Variants in RORA observed in about 807,000 individuals in gnomAD.
RORA encodes the protein RAR related orphan receptor A.
RORA carries 7 observed loss-of-function variants against 69.5 expected under a neutral mutation model. The ratio of observed to expected loss-of-function variants is 0.10; its 90% confidence interval spans 0.06 to 0.19. RORA has a LOEUF of 0.19. Among genes scored for constraint, RORA ranks in the 10% least tolerant of loss-of-function variants. The probability of loss-of-function intolerance (pLI) is 1.00; values close to 1 mark genes in which losing one functional copy is unlikely to be tolerated. For synonymous variants in RORA, 261 were observed against 240.8 expected (o/e 1.08, Z -0.78); for missense variants, 457 against 663.0 (o/e 0.69, Z 3.41).
intron 1 of RORA, among the ~76,000 whole-genome samples, chr15:60,685,173 G>T (rs1323826600): frequency 1.3e-5 from 2 of 152,156 alleles, no homozygotes; most frequent in African/African-American, 4.8e-5. Flanking sequence ...GATAATCCGG[G>T]AAGGCAGCAT....
intron 2 of RORA, among the ~76,000 whole-genome samples, chr15:60,542,533 TCACACAGATGGCACACATGCACACCTCA>T (rs2066911656): frequency 3.0e-5 from 4 of 135,036 alleles, no homozygotes; most frequent in African/African-American, 1.3e-4. Flanking sequence ...CATGCACACC[TCACACAGATGGCACACATGCACACCTCA>T]CACACACGGC....
chr15:60,691,297 T>C (rs1458202687), intron 1 of RORA, among the ~76,000 whole-genome samples: 3 of 152,198 alleles, frequency 2.0e-5, no homozygotes, highest in African/African-American at 7.2e-5. Context: ...TCACAATAGT[T>C]CCCTCCTCCT....
At chr15:60,868,660 G>A (rs907868264) in intron 1 of RORA, among the ~76,000 whole-genome samples, 7 of 152,044 alleles carry the variant, frequency 4.6e-5, no homozygotes, top group African/African-American at 2.4e-5. Context: ...TGGTACTTCG[G>A]TTTCAAATCC....
intron 1 of RORA, among the ~76,000 whole-genome samples, chr15:60,979,801 A>G (rs1303767650): frequency 6.6e-6 from 1 of 152,072 alleles, no homozygotes; most frequent in Non-Finnish European, 1.5e-5. Context: ...CCACTAATAG[A>G]GGTAGTTTTA....
intron 1 of RORA, among the ~76,000 whole-genome samples, chr15:60,880,353 G>C (rs980640030): frequency 6.6e-6 from 1 of 152,132 alleles, no homozygotes; most frequent in African/African-American, 2.4e-5. Context: ...AAAAACCTTT[G>C]AATTTCACCA....
At chr15:60,930,411 G>C (rs1042950265) in intron 1 of RORA, among the ~76,000 whole-genome samples, 1 of 152,142 alleles carries the variant, frequency 6.6e-6, no homozygotes, top group African/African-American at 2.4e-5. Flanking sequence ...CTTCCATGTG[G>C]GACGGTGGGA....
At chr15:60,995,192 C>CT (rs1039406815) in intron 1 of RORA, among the ~76,000 whole-genome samples, 2 of 151,700 alleles carry the variant, frequency 1.3e-5, no homozygotes, top group Non-Finnish European at 2.9e-5. Flanking sequence ...TTTTCTGGTT[C>CT]TCTTCTTTCC....
intron 1 of RORA, among the ~76,000 whole-genome samples, chr15:60,860,500 C>T (rs1007871321): frequency 2.6e-5 from 4 of 152,140 alleles, no homozygotes; most frequent in Non-Finnish European, 5.9e-5. Flanking sequence ...CTATGCTGTC[C>T]CTTTACGATG....
intron 1 of RORA, chr15:60,841,075 G>C (rs764045443): frequency 1.0e-6 from 1 of 984,992 alleles, no homozygotes; most frequent in Non-Finnish European, 1.2e-6. Context: ...CTTACCAAAT[G>C]TTGACTGACT....
chr15:60,568,944 T>TAAAAA, intron 2 of RORA, among the ~76,000 whole-genome samples: 2 of 137,492 alleles, frequency 1.5e-5, no homozygotes, highest in Non-Finnish European at 3.2e-5. Flanking sequence ...GGTTTTGCGC[T>TAAAAA]AAAAAAAAAA....
At chr15:60,591,870 A>AG in intron 2 of RORA, among the ~76,000 whole-genome samples, 1 of 151,902 alleles carries the variant, frequency 6.6e-6, no homozygotes, top group East Asian at 2.0e-4. Context: ...TCGGGGACGC[A>AG]GGGGCAGGGC....
intron 1 of RORA, among the ~76,000 whole-genome samples, chr15:60,818,168 G>C (rs2072842942): frequency 6.6e-6 from 1 of 152,096 alleles, no homozygotes; most frequent in Admixed American, 6.5e-5. Context: ...CAAGGAACAA[G>C]TACAGGATTC....
chr15:61,212,945 GC>G (rs958814109), intron 1 of RORA, among the ~76,000 whole-genome samples: 22 of 152,140 alleles, frequency 1.4e-4, no homozygotes, highest in Admixed American at 1.3e-3. Flanking sequence ...CTCTAGCCTG[GC>G]CCTCCTAAGT....
chr15:61,030,267 T>C (rs1396775735), intron 1 of RORA, among the ~76,000 whole-genome samples: 3 of 151,960 alleles, frequency 2.0e-5, no homozygotes, highest in Non-Finnish European at 4.4e-5. Context: ...TTGAACGGGG[T>C]CAAAGGATTT....
chr15:60,723,687 C>A (rs960644133), intron 1 of RORA, among the ~76,000 whole-genome samples: 9 of 152,126 alleles, frequency 5.9e-5, no homozygotes, highest in African/African-American at 2.2e-4. Context: ...CACACAACTC[C>A]ATCCATCCAT....
In RORA at chr15:60,985,582, CTTTTTTT is replaced by C. The variant is rs11451387; in HGVS notation, c.166+243464_166+243470del. Among the ~76,000 whole-genome samples the C allele has an allele frequency of 5.2e-4, 52 of 100,846 alleles. 1 individual carries two copies. The highest frequency in any genetic ancestry group is 2.1e-3 in the African/African-American group (50 of 24,364). 66.2% of individuals were successfully genotyped at this position (100,846 alleles called of 152,430 possible). A position where few individuals can be genotyped will look rare whatever the true frequency, so the allele number is the denominator to read the frequency against. On this transcript the variant is annotated intron_variant, in intron 1 of 10. Transcript: ENST00000335670. Reference sequence around the variant, plus strand: ...TTGTGCTAGGTAAGAAACTCATCCTCTTTTTTTTTTTTTTTTTTTTTGAGATGGGGTC... The same window carrying C: ...TTGTGCTAGGTAAGAAACTCATCCTCTTTTTTTTTTTTTTGAGATGGGGTC...
intron 1 of RORA, among the ~76,000 whole-genome samples, chr15:61,218,547 A>G (rs2080063132): frequency 6.6e-6 from 1 of 152,168 alleles, no homozygotes; most frequent in African/African-American, 2.4e-5. Context: ...ATAATGTAAG[A>G]ACTTCAAAAA....
At chr15:60,700,625 C>T (rs1314149708) in intron 1 of RORA, among the ~76,000 whole-genome samples, 2 of 150,482 alleles carry the variant, frequency 1.3e-5, no homozygotes. Flanking sequence ...TAAACGTTTC[C>T]CCAACAAAAT....
At chr15:60,823,931 A>AT (rs532914395) in intron 1 of RORA, among the ~76,000 whole-genome samples, 6 of 152,176 alleles carry the variant, frequency 3.9e-5, no homozygotes, top group Middle Eastern at 3.4e-3. Flanking sequence ...ATATTAATAC[A>AT]TTTTTTTTGG....
Sources: gnomAD v4.1 joint callset for allele counts (sites outside exome capture counted in the v4.1 genomes callset) on GRCh38, gnomAD v4.1.1 for gene constraint, MANE v1.5 for transcripts, NCBI Gene and HGNC (gene_info 2026-07-23, HGNC 2026-07-21) for gene names.